AFF3: variants seen among roughly 807,000 people sequenced by gnomAD.
The protein encoded by AFF3 is ALF transcription elongation factor 3.
AFF3 carries 32 observed loss-of-function variants against 129.7 expected under a neutral mutation model. That is an observed-to-expected ratio of 0.25 (90% confidence interval 0.19 to 0.33). AFF3 has a LOEUF of 0.33. AFF3 is among the 10% of genes least tolerant of loss of function. The probability of loss-of-function intolerance (pLI) is 1.00; values close to 1 mark genes in which losing one functional copy is unlikely to be tolerated. For missense variants in AFF3, 1,373 were observed against 1,592.0 expected (o/e 0.86, Z 2.34); for synonymous variants, 644 against 635.4 (o/e 1.01, Z -0.20).
intron 7 of AFF3, among the ~76,000 whole-genome samples, chr2:99,979,236 T>G: frequency 6.6e-6 from 1 of 152,100 alleles, no homozygotes; most frequent in African/African-American, 2.4e-5. Flanking sequence ...TATACTGAAC[T>G]CCACTGCTTT....
intron 12 of AFF3, among the ~76,000 whole-genome samples, chr2:99,657,679 T>C (rs910283681): frequency 2.0e-5 from 3 of 152,242 alleles, no homozygotes; most frequent in African/African-American, 7.2e-5. Context: ...TTTTCCTCTT[T>C]GAAAAATATT....
intron 13 of AFF3, among the ~76,000 whole-genome samples, chr2:99,628,799 C>T (rs1353210718): frequency 6.7e-6 from 1 of 148,624 alleles, no homozygotes; most frequent in African/African-American, 2.5e-5. Flanking sequence ...TGGCTCGCTG[C>T]AACCTCTGCC....
chr2:99,665,338 A>T (rs1686584748), intron 12 of AFF3, among the ~76,000 whole-genome samples: 1 of 152,242 alleles, frequency 6.6e-6, no homozygotes, highest in South Asian at 2.1e-4. Flanking sequence ...GGGAATGGAA[A>T]GAGGTAGATG....
chr2:99,872,649 T>TAAAA (rs1558934487), intron 7 of AFF3, among the ~76,000 whole-genome samples: 4 of 151,644 alleles, frequency 2.6e-5, no homozygotes, highest in African/African-American at 7.3e-5. Flanking sequence ...TAAAATAAAA[T>TAAAA]TTATCGGTCT....
chr2:99,992,988 T>C (rs1408058614), intron 7 of AFF3, among the ~76,000 whole-genome samples: 1 of 152,226 alleles, frequency 6.6e-6, no homozygotes, highest in African/African-American at 2.4e-5. Context: ...GGGCAGGATA[T>C]GCCCTCCCCT....
At chr2:99,615,438 G>A (rs893237362) in intron 13 of AFF3, among the ~76,000 whole-genome samples, 16 of 152,222 alleles carry the variant, frequency 1.1e-4, no homozygotes, top group Non-Finnish European at 1.5e-4. Context: ...ACTTTCAGGC[G>A]GGTGGTACCA....
intron 20 of AFF3, among the ~76,000 whole-genome samples, chr2:99,561,850 TG>T (rs1232691307): frequency 2.0e-5 from 3 of 152,232 alleles, no homozygotes; most frequent in Admixed American, 2.0e-4. Context: ...TCTTTAAGGG[TG>T]GGTCTTTTAG....
chr2:99,631,080 C>A, intron 13 of AFF3: 1 of 390,516 alleles, frequency 2.6e-6, no homozygotes, highest in South Asian at 1.9e-5. Context: ...CGGAGTGGGG[C>A]TCAGGCAGGG....
At chr2:99,849,754 C>T (rs911179784) in intron 7 of AFF3, among the ~76,000 whole-genome samples, 11 of 152,206 alleles carry the variant, frequency 7.2e-5, no homozygotes, top group Admixed American at 6.5e-4. Flanking sequence ...CTCTACCATT[C>T]TCCTCTGGTT....
At chr2:100,046,598 T>C (rs770035933) in intron 4 of AFF3, among the ~76,000 whole-genome samples, 2 of 152,252 alleles carry the variant, frequency 1.3e-5, no homozygotes, top group Non-Finnish European at 2.9e-5. Flanking sequence ...ATTCTATTTA[T>C]GTCACAAGGT....
At chr2:99,786,994 T>G (rs1418555714) in intron 8 of AFF3, among the ~76,000 whole-genome samples, 2 of 152,194 alleles carry the variant, frequency 1.3e-5, no homozygotes, top group South Asian at 2.1e-4. Flanking sequence ...CTTGAGGGCA[T>G]CATTAAAATC....
chr2:99,588,004 G>A (rs375892044), intron 15 of AFF3, among the ~76,000 whole-genome samples: 47 of 137,234 alleles, frequency 3.4e-4, no homozygotes, highest in Admixed American at 2.6e-3. Context: ...GTGAGACTCC[G>A]TCTCAAAAAA....
intron 7 of AFF3, among the ~76,000 whole-genome samples, chr2:99,896,563 G>T (rs1163819266): frequency 7.3e-6 from 1 of 137,674 alleles, no homozygotes; most frequent in African/African-American, 2.7e-5. Flanking sequence ...TAAGTGAAAT[G>T]ACTCTAAATT....
chr2:99,646,547 G>A (rs1684711987), intron 13 of AFF3, among the ~76,000 whole-genome samples: 1 of 152,190 alleles, frequency 6.6e-6, no homozygotes, highest in African/African-American at 2.4e-5. Flanking sequence ...GTAAATGAAT[G>A]TATAATAGGT....
chr2:100,139,501 G>A (rs1437873380), intron 1 of AFF3, among the ~76,000 whole-genome samples: 1 of 152,182 alleles, frequency 6.6e-6, no homozygotes, highest in Non-Finnish European at 1.5e-5. Flanking sequence ...TATTGCAGGA[G>A]TCTAGTTGTC....
intron 13 of AFF3, among the ~76,000 whole-genome samples, chr2:99,639,244 G>A (rs959959701): frequency 2.0e-5 from 3 of 152,162 alleles, no homozygotes; most frequent in Non-Finnish European, 4.4e-5. Context: ...GGCTTCTCTG[G>A]AGCCATTCTG....
At chr2:99,816,988 T>C (rs539215772) in intron 8 of AFF3, among the ~76,000 whole-genome samples, 2 of 152,296 alleles carry the variant, frequency 1.3e-5, no homozygotes, top group African/African-American at 2.4e-5. Flanking sequence ...AGTTGAATAT[T>C]GCTAGTGGTT....
At chr2:99,960,145 T>C (rs1677079935) in intron 7 of AFF3, among the ~76,000 whole-genome samples, 1 of 152,170 alleles carries the variant, frequency 6.6e-6, no homozygotes, top group Non-Finnish European at 1.5e-5. Context: ...TACTTAAGAT[T>C]ATTCATGGTA....
chr2:99,868,322 A>C (rs1313240123), intron 7 of AFF3, among the ~76,000 whole-genome samples: 1 of 152,134 alleles, frequency 6.6e-6, no homozygotes, highest in African/African-American at 2.4e-5. Context: ...GTATCTGCTA[A>C]TCATGTCTTC....
Sources: gnomAD v4.1 joint callset for allele counts (sites outside exome capture counted in the v4.1 genomes callset) on GRCh38, gnomAD v4.1.1 for gene constraint, MANE v1.5 for transcripts, NCBI Gene and HGNC (gene_info 2026-07-23, HGNC 2026-07-21) for gene names.